Variants in PTPRD observed in about 807,000 individuals in gnomAD.
PTPRD encodes protein tyrosine phosphatase receptor type D, also known as receptor-type tyrosine-protein phosphatase delta.
Under a neutral mutation model 214.5 loss-of-function variants are expected in PTPRD, and 34 were observed. The ratio of observed to expected loss-of-function variants is 0.16; its 90% CI spans 0.12 to 0.21. The LOEUF is 0.21. Ranked by LOEUF, PTPRD falls within the 10% of genes least tolerant of loss-of-function variation. PTPRD has a pLI of 1.00. For synonymous variants in PTPRD, 1,128 were observed against 845.7 expected, an observed-to-expected ratio of 1.33 and a Z score of -5.79; for missense variants, 2,545 against 2,398.7, an observed-to-expected ratio of 1.06 and a Z score of -1.27.
Position 9,235,153 on chromosome 9 carries a change from G to C in PTPRD, c.-202-51790C>G, listed in dbSNP as rs983163906. ...CTCAGGGTGGCGGGAGACAGAATGA[G>C]TGCCAAGCAATGGGGGAAAAGCCCC... On this transcript the variant is annotated intron_variant, in intron 9 of 45. Transcript: ENST00000381196. Among the ~76,000 whole-genome samples, 5 of 152,148 alleles carry C rather than the reference G, an allele frequency of 3.3e-5. No homozygotes were observed. In the South Asian group the frequency reaches 1.0e-3, roughly 32 times the overall value.
chr9:8,341,957 A>G lies in PTPRD; in HGVS notation c.4683T>C (p.Gly1561=), dbSNP rs761652341. Residue 1561 remains glycine, a synonymous_variant, in exon 40 of 46, where the codon GGT becomes GGC. Transcript: ENST00000381196. ...VHCSAGVGRT[G]CFIVIDAMLE... is the part of the protein sequence containing the mutation. ...ACATGGCATCTATGACGATGAAGCA[A>G]CCAGTCCGGCCAACTCCCGCACTAT... 9 of 1,611,842 alleles carry G rather than the reference A, an allele frequency of 5.6e-6. No individual in the cohort carries two copies. The highest frequency in any genetic ancestry group is 1.7e-5 in the Admixed American group (1 of 59,732).
intron 3 of PTPRD, among the ~76,000 whole-genome samples, chr9:10,193,289 T>G (rs572532045): frequency 7.2e-5 from 11 of 152,266 alleles, no homozygotes; most frequent in African/African-American, 2.4e-4. Context: ...TATTTATGAC[T>G]TTTTAAACTT....
At chr9:8,875,292 G>A (rs560377694) in intron 11 of PTPRD, among the ~76,000 whole-genome samples, 208 of 152,280 alleles carry the variant, frequency 1.4e-3, no homozygotes, top group African/African-American at 5.0e-3. Context: ...TCGGGAGGCC[G>A]AGGTAGGAGG....
At chr9:10,480,045 T>C (rs1186934022) in intron 2 of PTPRD, among the ~76,000 whole-genome samples, 2 of 152,158 alleles carry the variant, frequency 1.3e-5, no homozygotes, top group African/African-American at 4.8e-5. Flanking sequence ...CTCATCCTGG[T>C]GAAAGTATAC....
At chr9:8,760,859 C>T (rs573793695) in intron 11 of PTPRD, among the ~76,000 whole-genome samples, 1 of 152,258 alleles carries the variant, frequency 6.6e-6, no homozygotes, top group South Asian at 2.1e-4. Context: ...GGAAATTGTA[C>T]TATGGTTCCT....
intron 2 of PTPRD, among the ~76,000 whole-genome samples, chr9:10,531,748 C>A (rs958066889): frequency 4.6e-5 from 7 of 152,132 alleles, no homozygotes; most frequent in African/African-American, 1.7e-4. Flanking sequence ...TTTAGTGTTT[C>A]TCCATGACAA....
intron 2 of PTPRD, among the ~76,000 whole-genome samples, chr9:10,552,821 A>T (rs538310547): frequency 6.6e-6 from 1 of 152,300 alleles, no homozygotes; most frequent in African/African-American, 2.4e-5. Context: ...TGGCAACAGC[A>T]CAGGTTGAGG....
intron 32 of PTPRD, among the ~76,000 whole-genome samples, chr9:8,461,496 G>A (rs1333010834): frequency 6.6e-6 from 1 of 151,814 alleles, no homozygotes; most frequent in Non-Finnish European, 1.5e-5. Context: ...CCCCCTTCAA[G>A]GCCCTATCTT....
chr9:10,581,433 C>G (rs1056856764), intron 2 of PTPRD, among the ~76,000 whole-genome samples: 1 of 152,124 alleles, frequency 6.6e-6, no homozygotes, highest in Admixed American at 6.5e-5. Context: ...ACAATTTAAA[C>G]CTTCTCTTTC....
chr9:10,240,892 C>A (rs1192033394), intron 3 of PTPRD, among the ~76,000 whole-genome samples: 1 of 151,488 alleles, frequency 6.6e-6, no homozygotes, highest in Non-Finnish European at 1.5e-5. Context: ...AAACCTAAAC[C>A]TTTTGCTCAT....
At chr9:9,653,905 G>C (rs1295963212) in intron 7 of PTPRD, among the ~76,000 whole-genome samples, 3 of 151,994 alleles carry the variant, frequency 2.0e-5, no homozygotes, top group African/African-American at 7.2e-5. Context: ...TCAATGGAAG[G>C]CTTATTTAAA....
At chr9:9,744,472 C>T (rs1240844080) in intron 6 of PTPRD, among the ~76,000 whole-genome samples, 1 of 152,178 alleles carries the variant, frequency 6.6e-6, no homozygotes, top group East Asian at 1.9e-4. Flanking sequence ...AGTGAGCTTA[C>T]AGAACTTACC....
chr9:10,389,294 C>T (rs150254636), intron 2 of PTPRD, among the ~76,000 whole-genome samples: 6 of 151,968 alleles, frequency 3.9e-5, no homozygotes, highest in African/African-American at 1.2e-4. Context: ...CAATGAAATG[C>T]TCCCAGTGTG....
At chr9:9,011,291 C>G (rs942501607) in intron 11 of PTPRD, among the ~76,000 whole-genome samples, 1 of 152,122 alleles carries the variant, frequency 6.6e-6, no homozygotes, top group African/African-American at 2.4e-5. Context: ...ATCTATTATT[C>G]TCACATCCTG....
At chr9:8,912,190 T>TA (rs2098752823) in intron 11 of PTPRD, among the ~76,000 whole-genome samples, 1 of 152,190 alleles carries the variant, frequency 6.6e-6, no homozygotes. Context: ...TATGTCCATG[T>TA]AAAAATATGT....
At chr9:8,687,307 C>T (rs1033120380) in intron 12 of PTPRD, among the ~76,000 whole-genome samples, 4 of 152,168 alleles carry the variant, frequency 2.6e-5, no homozygotes, top group African/African-American at 9.7e-5. Flanking sequence ...TTTGTGATGG[C>T]TTCTCTCAAA....
chr9:9,877,358 G>A (rs1041713019), intron 5 of PTPRD, among the ~76,000 whole-genome samples: 1 of 152,090 alleles, frequency 6.6e-6, no homozygotes, highest in Admixed American at 6.5e-5. Flanking sequence ...GATAAGGGAG[G>A]AAGATTTGAG....
intron 9 of PTPRD, among the ~76,000 whole-genome samples, chr9:9,234,595 C>T (rs1157418055): frequency 6.6e-6 from 1 of 152,172 alleles, no homozygotes; most frequent in African/African-American, 2.4e-5. Flanking sequence ...TTTGCTTTCT[C>T]TTGAACACTT....
intron 5 of PTPRD, among the ~76,000 whole-genome samples, chr9:9,778,981 C>T (rs990676708): frequency 1.4e-5 from 2 of 145,276 alleles, no homozygotes; most frequent in African/African-American, 5.1e-5. Context: ...ACCAAAATAG[C>T]ATGATACTGG....
Sources: gnomAD v4.1 joint callset for allele counts (sites outside exome capture counted in the v4.1 genomes callset) on GRCh38, gnomAD v4.1.1 for gene constraint, MANE v1.5 for transcripts, NCBI Gene and HGNC (gene_info 2026-07-23, HGNC 2026-07-21) for gene names.